The following SMAD1 variants were observed in gnomAD, a reference collection of about 807,000 sequenced individuals.
The protein encoded by SMAD1 is MAD, mothers against decapentaplegic homolog 1.
SMAD1 carries 6 observed loss-of-function variants against 41.6 expected under a neutral mutation model. That is an observed-to-expected ratio of 0.14 (90% CI 0.08 to 0.28). The LOEUF is 0.28. Among genes scored for constraint, SMAD1 ranks in the 10% least tolerant of loss-of-function variants. SMAD1 has a pLI of 1.00. For missense variants in SMAD1, 379 were observed against 582.6 expected, an observed-to-expected ratio of 0.65 and a Z score of 3.60; for synonymous variants, 206 against 203.2, an observed-to-expected ratio of 1.01 and a Z score of -0.12.
intron 2 of SMAD1, among the ~76,000 whole-genome samples, chr4:145,518,844 G>A (rs575967743): frequency 8.0e-6 from 1 of 124,938 alleles, no homozygotes; most frequent in East Asian, 2.0e-4. Context: ...CAGAGTAGTA[G>A]CATCAGTACC....
At chr4:145,552,094 C>T (rs1161779062) in intron 5 of SMAD1, among the ~76,000 whole-genome samples, 1 of 152,146 alleles carries the variant, frequency 6.6e-6, no homozygotes, top group Non-Finnish European at 1.5e-5. Context: ...ATAATTATTG[C>T]CTCTGAGTCA....
chr4:145,555,709 G>A (rs554225979), intron 6 of SMAD1, among the ~76,000 whole-genome samples: 4 of 152,106 alleles, frequency 2.6e-5, no homozygotes, highest in Non-Finnish European at 5.9e-5. Flanking sequence ...ATAATGCAAA[G>A]TTATGCATTC....
rs768958748 is a variant in SMAD1, at chr4:145,514,748, A to G, written c.135A>G (p.Lys45=). Residue 45 remains lysine, a synonymous_variant, in exon 2 of 7, where the codon AAA becomes AAG. Coordinates refer to ENST00000302085, the MANE Select transcript of SMAD1 (RefSeq NM_005900.3). The surrounding 1 kb of genome is among the most constrained non-coding windows in gnomAD (Gnocchi z 4.7). ...DALVKKLKKK[K]GAMEELEKAL... is the part of the protein sequence containing the mutation. ...TGGTGAAAAAACTGAAGAAAAAGAA[A>G]GGTGCCATGGAGGAACTGGAAAAGG... The G allele has an allele frequency of 8.7e-6, 14 of 1,614,064 alleles. No individual in the cohort carries two copies. The Admixed American group carries it at 1.3e-4, about 15-fold the overall frequency.
chr4:145,501,641 C>CTT (rs11285972), intron 1 of SMAD1, among the ~76,000 whole-genome samples: 1 of 137,534 alleles, frequency 7.3e-6, no homozygotes, highest in Non-Finnish European at 1.6e-5. Context: ...ATTTTTGTTT[C>CTT]TTTTTTTTTT....
At chr4:145,504,580 G>T (rs929680934) in intron 1 of SMAD1, among the ~76,000 whole-genome samples, 2 of 151,998 alleles carry the variant, frequency 1.3e-5, no homozygotes, top group African/African-American at 2.4e-5. Context: ...CATTTTTAGG[G>T]GTACTGTTTT....
chr4:145,499,997 CAATT>C (rs1395879805), intron 1 of SMAD1, among the ~76,000 whole-genome samples: 1 of 152,170 alleles, frequency 6.6e-6, no homozygotes, highest in Non-Finnish European at 1.5e-5. Flanking sequence ...AAAAATTAAA[CAATT>C]CTCCAACCTT....
chr4:145,499,525 G>A (rs1474430317), intron 1 of SMAD1, among the ~76,000 whole-genome samples: 1 of 152,168 alleles, frequency 6.6e-6, no homozygotes, highest in East Asian at 1.9e-4. Context: ...GGAGGCTGAG[G>A]TAGGAGGATC....
intron 4 of SMAD1, chr4:145,545,016 C>T (rs760704871): frequency 6.6e-6 from 1 of 151,514 alleles, no homozygotes; most frequent in African/African-American, 2.4e-5. Context: ...AATATTTTCA[C>T]GAGGAAGGAA....
chr4:145,501,671 C>T (rs1233551551), intron 1 of SMAD1, among the ~76,000 whole-genome samples: 33 of 150,398 alleles, frequency 2.2e-4, no homozygotes, highest in African/African-American at 7.3e-4. Context: ...ATAGTTTTTT[C>T]CTCCTGTAGT....
chr4:145,501,403 C>T (rs911738148), intron 1 of SMAD1, among the ~76,000 whole-genome samples: 1 of 152,132 alleles, frequency 6.6e-6, no homozygotes, highest in African/African-American at 2.4e-5. Flanking sequence ...AAGATGTTTC[C>T]TTTGATGCCT....
At chr4:145,551,278 G>A (rs1732541905) in intron 5 of SMAD1, among the ~76,000 whole-genome samples, 1 of 152,160 alleles carries the variant, frequency 6.6e-6, no homozygotes, top group South Asian at 2.1e-4. Context: ...AACCAAGTTA[G>A]CGTTTGGGTG....
At chr4:145,489,812 A>G (rs1728679947) in intron 1 of SMAD1, among the ~76,000 whole-genome samples, 3 of 152,196 alleles carry the variant, frequency 2.0e-5, no homozygotes, top group African/African-American at 7.2e-5. Context: ...CAAAGAGAGA[A>G]AGAACTGGTG....
At chr4:145,520,076 C>T (rs1438399343) in intron 2 of SMAD1, among the ~76,000 whole-genome samples, 1 of 152,148 alleles carries the variant, frequency 6.6e-6, no homozygotes, top group Non-Finnish European at 1.5e-5. Flanking sequence ...GTTAGAATGG[C>T]TGTTATCAAA....
intron 2 of SMAD1, among the ~76,000 whole-genome samples, chr4:145,536,811 C>T (rs1480819610): frequency 2.6e-5 from 4 of 152,002 alleles, no homozygotes; most frequent in African/African-American, 4.8e-5. Flanking sequence ...AGACTGTCTA[C>T]GGTGGAAGAA....
intron 2 of SMAD1, among the ~76,000 whole-genome samples, chr4:145,527,417 G>A (rs1731080751): frequency 6.6e-6 from 1 of 151,962 alleles, no homozygotes; most frequent in African/African-American, 2.4e-5. Context: ...TAGAGACGGG[G>A]TTTCACCGTT....
chr4:145,500,632 T>G (rs1729377971), intron 1 of SMAD1, among the ~76,000 whole-genome samples: 1 of 152,274 alleles, frequency 6.6e-6, no homozygotes, highest in Non-Finnish European at 1.5e-5. Context: ...TGTGTCTCTT[T>G]CAGTGCTGCG....
intron 1 of SMAD1, among the ~76,000 whole-genome samples, chr4:145,488,476 TTGTGTGTGTG>T (rs60369536): frequency 7.0e-4 from 104 of 148,730 alleles, no homozygotes; most frequent in African/African-American, 2.2e-3. Flanking sequence ...CCCTGTCTTT[TTGTGTGTGTG>T]TGTGTGTGTG....
At chr4:145,556,167 T>G (rs1462478925) in intron 6 of SMAD1, among the ~76,000 whole-genome samples, 1 of 152,236 alleles carries the variant, frequency 6.6e-6, no homozygotes. Flanking sequence ...ATAAATTATT[T>G]GTACTTTAAA....
At position 145,522,140 on chromosome 4, in the gene SMAD1, C is replaced by CA. The variant is rs966342043; in HGVS notation, c.400+7137dup. On this transcript the variant is annotated intron_variant, in intron 2 of 6. Coordinates refer to ENST00000302085, the MANE Select transcript of SMAD1 (RefSeq NM_005900.3). ...TGAAACCCCGTCTCTGCTAAAAATACAAAAAAAAAATTAGCCGGGCGAGGT... is the reference window on the plus strand; with the variant it reads ...TGAAACCCCGTCTCTGCTAAAAATACAAAAAAAAAAATTAGCCGGGCGAGGT... 2.4e-4 allele frequency among the ~76,000 whole-genome samples: 35 copies of CA among 146,948 alleles called. No homozygotes were observed. The East Asian group carries it at 3.0e-3, about 13-fold the overall frequency.
Sources: gnomAD v4.1 joint callset for allele counts (sites outside exome capture counted in the v4.1 genomes callset) on GRCh38, gnomAD v4.1.1 for gene constraint, Gnocchi (gnomAD v3.1) non-coding constraint, MANE v1.5 for transcripts, NCBI Gene and HGNC (gene_info 2026-07-23, HGNC 2026-07-21) for gene names.